BTBD3: variants seen among roughly 807,000 people sequenced by gnomAD.
BTBD3 encodes BTB/POZ domain-containing protein 3.
Under a neutral mutation model 41.6 loss-of-function variants are expected in BTBD3, and 14 were observed. The ratio of observed to expected loss-of-function variants is 0.34; its 90% CI spans 0.22 to 0.53. The LOEUF (loss-of-function observed/expected upper bound fraction) is 0.53, where lower values mean the gene tolerates loss of function less well. Ranked by LOEUF, BTBD3 falls within the 20% of genes least tolerant of loss-of-function variation. BTBD3 has a pLI of 0.95. For synonymous variants in BTBD3, 249 were observed against 233.7 expected (o/e 1.07, Z -0.60); for missense variants, 426 against 654.7 (o/e 0.65, Z 3.81).
intron 3 of BTBD3, among the ~76,000 whole-genome samples, chr20:11,921,108 A>AT (rs2056966754): frequency 6.6e-6 from 1 of 152,142 alleles, no homozygotes; most frequent in African/African-American, 2.4e-5. Flanking sequence ...TCAGCTTTGT[A>AT]TTTTTTATAG....
intron 1 of BTBD3, 32 bp from the exon 2 acceptor site, chr20:11,919,054 G>T: frequency 1.3e-6 from 2 of 1,524,718 alleles, no homozygotes; most frequent in Non-Finnish European, 1.8e-6. Context: ...AATGCAGGCT[G>T]CTGTGAATTA....
exon 1 of BTBD3, chr20:11,890,918 A>G (rs2056746539): frequency 6.1e-6 from 6 of 984,582 alleles, no homozygotes; most frequent in Admixed American, 6.2e-5. Flanking sequence ...AAGGCGGCGG[A>G]CGGCTGCGTC....
upstream of BTBD3, among the ~76,000 whole-genome samples, chr20:11,915,907 A>G (rs2056915135): frequency 6.6e-6 from 1 of 152,048 alleles, no homozygotes; most frequent in Non-Finnish European, 1.5e-5. Flanking sequence ...CATCCACTTT[A>G]CTTTTTTTCT....
At position 11,923,390 on chromosome 20, in the gene BTBD3, G is replaced by C. The variant is rs150807132; in HGVS notation, c.1293G>C (p.Gln431His). ...GTGCCAAGATTGAACTTAAGCGGCAGGGCGTTGTCCTGGGGCAGAACTTGA... is the reference window on the plus strand; with the variant it reads ...GTGCCAAGATTGAACTTAAGCGGCACGGCGTTGTCCTGGGGCAGAACTTGA... ...EYSAKIELKR[Q>H]GVVLGQNLSK... The change falls in exon 4 of 4, where the codon CAG becomes CAC. Residue 431 changes from glutamine (Q) to histidine (H), a missense_variant. Transcript: ENST00000378226. The surrounding 1 kb of genome is among the most constrained non-coding windows in gnomAD (Gnocchi z 5.3). 3 of 1,614,222 alleles carry C rather than the reference G, an allele frequency of 1.9e-6. No homozygotes were observed. The highest frequency in any genetic ancestry group is 2.2e-5 in the East Asian group (1 of 44,890).
At chr20:11,916,355 T>A (rs1160545940), upstream of BTBD3, among the ~76,000 whole-genome samples, 1 of 152,238 alleles carries the variant, frequency 6.6e-6, no homozygotes, top group Non-Finnish European at 1.5e-5. Flanking sequence ...TAAACTGGTT[T>A]CTAGATCCCT....
chr20:11,921,765 T>C (rs1478545487), intron 3 of BTBD3: 2 of 152,228 alleles, frequency 1.3e-5, no homozygotes, highest in Non-Finnish European at 2.9e-5. Context: ...TGTGTTTCAC[T>C]AAGGTGAAAT....
At position 11,918,086 on chromosome 20, in the gene BTBD3, C is replaced by A; in HGVS notation, c.-190C>A. 1 of 1,410,488 alleles carries A rather than the reference C, an allele frequency of 7.1e-7. No homozygotes were observed. Among genetic ancestry groups the A allele is most frequent in the Non-Finnish European group, 9.2e-7 (1 of 1,091,532 alleles). The allele number at this position is 1,410,488 out of a possible 1,614,324, so 87.4% of individuals were successfully genotyped here. A position where few individuals can be genotyped will look rare whatever the true frequency, so the allele number is the denominator to read the frequency against. ...CATGATGGGGATATATTTAACAGACCCAGTACTGGATAAAACTTAAAGCCA... is the reference window on the plus strand; with the variant it reads ...CATGATGGGGATATATTTAACAGACACAGTACTGGATAAAACTTAAAGCCA... On this transcript the variant is annotated 5_prime_UTR_variant, in exon 1 of 4. Coordinates refer to ENST00000378226, the MANE Select transcript of BTBD3 (RefSeq NM_014962.4).
rs1326614502 is a variant in BTBD3, at chr20:11,925,712, G to A, written c.*2046G>A. On this transcript the variant is annotated 3_prime_UTR_variant, in exon 4 of 4. Transcript: ENST00000378226. ...GCAAATTGGTAGACCTTATAAGAAG[G>A]CACTTGTTTGTAAGCCAGAGAAGAA... 2.0e-5 allele frequency: 3 copies of A among 152,534 alleles called. No individual in the cohort carries two copies. Among genetic ancestry groups the A allele is most frequent in the Non-Finnish European group, 2.9e-5 (2 of 68,026 alleles). 9.4% of individuals were successfully genotyped at this position (152,534 alleles called of 1,614,324 possible).
intron 1 of BTBD3, among the ~76,000 whole-genome samples, chr20:11,899,930 GC>G (rs2056813828): frequency 2.6e-5 from 4 of 152,162 alleles, no homozygotes; most frequent in Admixed American, 2.6e-4. Context: ...AAATGGATAA[GC>G]CCAATAGCTG....
At position 11,911,804 on chromosome 20, in the gene BTBD3, T is replaced by C. The variant is rs188608511; in HGVS notation, c.-125-6530T>C. The stretch of plus-strand genomic sequence containing the variant: ...CTTCAGAGTATCTCCTGGTAAACTT[T>C]ATATACCCCTTTTCAAGATCACTTA... On this transcript the variant is annotated intron_variant, in intron 1 of 4. Coordinates refer to the BTBD3 transcript ENST00000254977. Among the ~76,000 whole-genome samples the C allele has an allele frequency of 1.3e-3, 201 of 152,312 alleles. 2 individuals are homozygous for C. The highest frequency in any genetic ancestry group is 1.6e-3 in the Non-Finnish European group (106 of 68,018).
At position 11,911,811 on chromosome 20, in the gene BTBD3, C is replaced by A. The variant is rs549097168; in HGVS notation, c.-125-6523C>A. On this transcript the variant is annotated intron_variant, in intron 1 of 4. Coordinates refer to the BTBD3 transcript ENST00000254977. The stretch of plus-strand genomic sequence containing the variant: ...GTATCTCCTGGTAAACTTTATATAC[C>A]CCTTTTCAAGATCACTTAATGTATG... Among the ~76,000 whole-genome samples, 38 of 151,958 alleles carry A rather than the reference C, an allele frequency of 2.5e-4. 1 individual carries two copies. In the South Asian group the frequency reaches 7.1e-3, roughly 28 times the overall value.
intron 1 of BTBD3, among the ~76,000 whole-genome samples, chr20:11,912,507 A>G (rs749231438): frequency 4.3e-4 from 66 of 152,208 alleles, no homozygotes; most frequent in Non-Finnish European, 8.5e-4. Flanking sequence ...TGCTTGGCCC[A>G]TAGGTGGGGC....
At chr20:11,917,570 A>G (rs1055914591), upstream of BTBD3, among the ~76,000 whole-genome samples, 2 of 152,234 alleles carry the variant, frequency 1.3e-5, no homozygotes, top group Non-Finnish European at 2.9e-5. Context: ...TTTAGTAGAA[A>G]TATAGATATC....
rs1244119624 is a variant in BTBD3 at position 11,905,335 on chromosome 20, C to T, written c.-125-12999C>T. On this transcript the variant is annotated intron_variant, in intron 1 of 4. Coordinates refer to the BTBD3 transcript ENST00000254977. Reference sequence around the variant, plus strand: ...GACTTGTAACACAAATAGTTGTACACGTGTTTTTTCTCAAGGAAACCATTC... The same window carrying T: ...GACTTGTAACACAAATAGTTGTACATGTGTTTTTTCTCAAGGAAACCATTC... Among the ~76,000 whole-genome samples, 7 of 152,068 alleles carry T rather than the reference C, an allele frequency of 4.6e-5. 1 individual carries two copies. The South Asian group carries it at 6.2e-4, about 14-fold the overall frequency.
chr20:11,920,434 G>A (rs1013755147), intron 3 of BTBD3, among the ~76,000 whole-genome samples: 4 of 152,112 alleles, frequency 2.6e-5, no homozygotes, highest in African/African-American at 4.8e-5. Flanking sequence ...GGATAGTCTC[G>A]TACAGTTTCA....
At chr20:11,921,164 G>A (rs564725456) in intron 3 of BTBD3, among the ~76,000 whole-genome samples, 2 of 152,322 alleles carry the variant, frequency 1.3e-5, no homozygotes, top group South Asian at 4.1e-4. Context: ...TCAGCATTTT[G>A]TCTTCACTGC....
intron 1 of BTBD3, among the ~76,000 whole-genome samples, chr20:11,897,583 T>C (rs1273228323): frequency 1.3e-5 from 2 of 151,306 alleles, no homozygotes; most frequent in Non-Finnish European, 3.0e-5. Context: ...CCTGCTGTTC[T>C]GTCTTCAAAA....
chr20:11,919,396 C>T (rs763099562), intron 2 of BTBD3: 2 of 1,408,206 alleles, frequency 1.4e-6, no homozygotes, highest in Non-Finnish European at 1.8e-6. Context: ...CCTCTTAACT[C>T]TCCAGACATG....
intron 1 of BTBD3, among the ~76,000 whole-genome samples, chr20:11,898,569 C>G (rs6040974): frequency 6.6e-6 from 1 of 152,102 alleles, no homozygotes; most frequent in Non-Finnish European, 1.5e-5. Flanking sequence ...CTATAAATTC[C>G]TTGAGGTCGA....
Sources: allele counts gnomAD v4.1 joint callset (sites outside exome capture counted in the v4.1 genomes callset), GRCh38; gene constraint gnomAD v4.1.1; non-coding constraint Gnocchi (gnomAD v3.1); transcripts MANE v1.5; gene names NCBI Gene and HGNC (gene_info 2026-07-23, HGNC 2026-07-21).